ZNF839: variants seen among roughly 807,000 people sequenced by gnomAD.
ZNF839 encodes the protein zinc finger protein 839.
In ZNF839, 38 loss-of-function variants were observed where a neutral mutation model predicts 56.4. The ratio of observed to expected loss-of-function variants is 0.67; its 90% confidence interval spans 0.52 to 0.88. The LOEUF is 0.88. Ranked by LOEUF, ZNF839 falls within the 40% of genes least tolerant of loss-of-function variation. The pLI, the probability that ZNF839 is intolerant of heterozygous loss-of-function variation, is 0.00. For missense variants in ZNF839, 1,091 were observed against 1,177.6 expected (o/e 0.93, Z 1.08); for synonymous variants, 486 against 493.5 (o/e 0.98, Z 0.20).
chr14:102,335,921 G>T, intron 5 of ZNF839, 83 bp downstream of exon 5: 6 of 1,494,100 alleles, frequency 4.0e-6, no homozygotes, highest in South Asian at 1.2e-5. Flanking sequence ...GCTTATGCTT[G>T]TAGTCCCAGT....
chr14:102,328,369 AAAAAAAATATATATAT>A (rs1289768938), intron 2 of ZNF839, among the ~76,000 whole-genome samples: 5 of 35,120 alleles, frequency 1.4e-4, no homozygotes, highest in Non-Finnish European at 2.3e-4. Context: ...AAAAAAAAAA[AAAAAAAATATATATAT>A]ATATATATAT....
At position 102,326,860 on chromosome 14, in the gene ZNF839, GA is replaced by G. The variant is rs756070982; in HGVS notation, c.1165del (p.Thr389GlnfsTer14). 1.6e-5 allele frequency: 26 copies of G among 1,606,296 alleles called. No individual in the cohort carries two copies. In the South Asian group the frequency reaches 2.8e-4, roughly 17 times the overall value. The part of the protein sequence containing the change: ...CEGGARSCLV[T>X]ESARGGLQNG... ...AGGGAGGGGCCCGCTCCTGCTTGGT[GA>G]CAGAGTCAGCACGCGGTGGCCTGCA... On this transcript the variant is annotated frameshift_variant, in exon 2 of 8. Coordinates refer to ENST00000442396, the MANE Select transcript of ZNF839 (RefSeq NM_018335.6). LOFTEE classifies it high-confidence loss of function. This position sits in a 1 kb window ranked among gnomAD's most constrained non-coding sequence, Gnocchi z 4.3.
At position 102,341,597 on chromosome 14, in the gene ZNF839, C is replaced by G; in HGVS notation, c.2202C>G (p.Asp734Glu). 1 of 1,613,842 alleles carries G rather than the reference C, an allele frequency of 6.2e-7. No individual in the cohort carries two copies. The highest frequency in any genetic ancestry group is 1.1e-5 in the South Asian group (1 of 91,074). ...PGENALEHSS[D>E]QDTWDSLRSP... ...AGAATGCTTTGGAACACTCTTCAGA[C>G]CAGGACACCTGGGACAGCCTGAGGA... is the stretch of plus-strand genomic sequence containing the variant. Residue 734 changes from aspartate (D) to glutamate (E), a missense_variant, in exon 8 of 8, where the codon GAC becomes GAG. This residue lies in a region of ZNF839 where 431 missense variants were observed against 468.0 expected (regional missense o/e 0.92). Transcript: ENST00000442396.
chr14:102,323,053 CAGTG>C (rs2073216599), intron 1 of ZNF839, among the ~76,000 whole-genome samples: 1 of 152,218 alleles, frequency 6.6e-6, no homozygotes, highest in Admixed American at 6.5e-5. Flanking sequence ...AGCTTGATCT[CAGTG>C]AGGATCTTTA....
At position 102,326,770 on chromosome 14, in the gene ZNF839, G is replaced by A. The variant is rs762693692; in HGVS notation, c.1074G>A (p.Gly358=). 6.0e-5 allele frequency: 97 copies of A among 1,612,784 alleles called. No homozygotes were observed. The highest frequency in any genetic ancestry group is 8.1e-5 in the Non-Finnish European group (95 of 1,179,528). The part of the protein sequence containing the change: ...SEKASGSTLR[G]CTEERTLSLT... The stretch of plus-strand genomic sequence containing the variant: ...AAGCCAGTGGAAGCACCCTCCGGGG[G>A]TGCACGGAGGAAAGGACGCTCAGCC... The change falls in exon 2 of 8, where the codon GGG becomes GGA. Residue 358 remains glycine, a synonymous_variant. Coordinates refer to ENST00000442396, the MANE Select transcript of ZNF839 (RefSeq NM_018335.6). This position sits in a 1 kb window ranked among gnomAD's most constrained non-coding sequence, Gnocchi z 4.3.
At position 102,339,095 on chromosome 14, in the gene ZNF839, C is replaced by A; in HGVS notation, c.1799C>A (p.Ala600Asp). The change falls in exon 7 of 8, where the codon GCT (alanine) becomes GAT (aspartate). Residue 600 changes from alanine (A) to aspartate (D), a missense_variant and splice_region_variant. Ala to Asp is a moderately radical substitution (Grantham distance 126). Coordinates refer to ENST00000442396, the MANE Select transcript of ZNF839 (RefSeq NM_018335.6). Reference sequence around the variant, plus strand: ...GCTGATTGGGTCTTCTCTTCACAGGCTGCGGAGGAGGGACTGGCCTCAGTG... The same window carrying A: ...GCTGATTGGGTCTTCTCTTCACAGGATGCGGAGGAGGGACTGGCCTCAGTG... Reference protein sequence around the residue: ...GASSEKREREAAEEGLASVKR... With the variant: ...GASSEKREREDAEEGLASVKR... 6.2e-7 allele frequency: 1 copy of A among 1,613,824 alleles called. No individual in the cohort carries two copies. The highest frequency in any genetic ancestry group is 8.5e-7 in the Non-Finnish European group (1 of 1,179,792).
At chr14:102,340,519 G>A (rs913211089) in intron 7 of ZNF839, among the ~76,000 whole-genome samples, 13 of 151,922 alleles carry the variant, frequency 8.6e-5, no homozygotes, top group Admixed American at 3.3e-4. Flanking sequence ...TGATCTGCCC[G>A]CCTCAGCCTC....
intron 5 of ZNF839, 77 bp downstream of exon 5, chr14:102,335,915 A>T (rs560980933): frequency 3.3e-6 from 5 of 1,518,770 alleles, no homozygotes; most frequent in Non-Finnish European, 4.5e-6. Context: ...GCAGTGGCTT[A>T]TGCTTGTAGT....
chr14:102,330,320 C>T (rs1402258357), intron 2 of ZNF839, among the ~76,000 whole-genome samples: 1 of 151,264 alleles, frequency 6.6e-6, no homozygotes, highest in Non-Finnish European at 1.5e-5. Flanking sequence ...GCAACTTCTG[C>T]CTCCTGGGTT....
chr14:102,342,265 T>C lies in ZNF839; in HGVS notation c.*86T>C, dbSNP rs551047855. 1.3e-6 allele frequency: 2 copies of C among 1,496,146 alleles called. No individual in the cohort carries two copies. The highest frequency in any genetic ancestry group is 2.8e-5 in the African/African-American group (2 of 71,506). The allele number at this position is 1,496,146 out of a possible 1,614,324, so 92.7% of individuals were successfully genotyped here. A position where few individuals can be genotyped will look rare whatever the true frequency, so the allele number is the denominator to read the frequency against. ...GAAGTGGAGTCAGATCCTAGATTCG[T>C]CTGATTTTATCCAGAGAAGGTCTAT... On this transcript the variant is annotated 3_prime_UTR_variant, in exon 8 of 8. Coordinates refer to ENST00000442396, the MANE Select transcript of ZNF839 (RefSeq NM_018335.6).
rs2073847355 is a variant in ZNF839 at position 102,332,804 on chromosome 14, G to A, written c.1416+958G>A. The stretch of plus-strand genomic sequence containing the variant: ...AGGCGCCTGTAATCCCAGCCACTTG[G>A]GAGACTGAGGGAGGAGAATCGCTTG... On this transcript the variant is annotated intron_variant, in intron 3 of 7. Transcript: ENST00000442396. The surrounding 1 kb of genome is among the most constrained non-coding windows in gnomAD (Gnocchi z 4.9). 6.6e-6 allele frequency among the ~76,000 whole-genome samples: 1 copy of A among 152,158 alleles called. No individual in the cohort carries two copies. The highest frequency in any genetic ancestry group is 6.6e-5 in the Admixed American group (1 of 15,262).
chr14:102,322,320 T>C (rs2073171748), intron 1 of ZNF839, among the ~76,000 whole-genome samples: 1 of 152,326 alleles, frequency 6.6e-6, no homozygotes, highest in East Asian at 1.9e-4. Flanking sequence ...ATTCAGCAGG[T>C]CTGCGGGGAC....
chr14:102,337,758 T>C (rs1885972007), intron 5 of ZNF839: 1 of 152,264 alleles, frequency 6.6e-6, no homozygotes, highest in Non-Finnish European at 1.5e-5. Context: ...ATGGCCCGTT[T>C]TCTCCTTTAA....
intron 7 of ZNF839, among the ~76,000 whole-genome samples, chr14:102,340,426 C>T (rs1226409592): frequency 6.6e-6 from 1 of 152,020 alleles, no homozygotes; most frequent in Non-Finnish European, 1.5e-5. Context: ...CGCCCACCAC[C>T]ACATCTGGCT....
chr14:102,322,740 T>A (rs2073198540), intron 1 of ZNF839, among the ~76,000 whole-genome samples: 1 of 152,086 alleles, frequency 6.6e-6, no homozygotes, highest in Admixed American at 6.6e-5. Context: ...AATTTAAAAA[T>A]GTTTTGTAGA....
intron 5 of ZNF839, 96 bp downstream of exon 5, chr14:102,335,934 T>A: frequency 3.6e-6 from 5 of 1,377,090 alleles, no homozygotes; most frequent in Non-Finnish European, 4.9e-6. Context: ...GTCCCAGTGC[T>A]TTGGGAGACT....
At chr14:102,330,934 T>C (rs1386169049) in intron 2 of ZNF839, among the ~76,000 whole-genome samples, 2 of 152,198 alleles carry the variant, frequency 1.3e-5, no homozygotes, top group African/African-American at 2.4e-5. Context: ...TCAAAAGCCA[T>C]GCAGATGCAT....
Position 102,319,846 on chromosome 14 carries a change from C to T in ZNF839, c.81C>T (p.Ser27=). ...GGGGPAPPGQ[S]GSVARVAPLG... is the part of the protein sequence containing the mutation. ...GCGGCCCGGCTCCTCCGGGCCAGAG[C>T]GGCAGCGTCGCACGTGTGGCCCCGC... is the stretch of plus-strand genomic sequence containing the variant. Residue 27 remains serine (S), a synonymous_variant, in exon 1 of 8, where the codon AGC becomes AGT. Transcript: ENST00000442396. This position sits in a 1 kb window ranked among gnomAD's most constrained non-coding sequence, Gnocchi z 4.5. 1 of 1,242,358 alleles carries T rather than the reference C, an allele frequency of 8.0e-7. No homozygotes were observed. 77.0% of individuals were successfully genotyped at this position (1,242,358 alleles called of 1,614,324 possible).
chr14:102,319,933 G>C lies in ZNF839; in HGVS notation c.168G>C (p.Pro56=), dbSNP rs2139439210. The change falls in exon 1 of 8, where the codon CCG becomes CCC. Residue 56 remains proline, a synonymous_variant. Coordinates refer to ENST00000442396, the MANE Select transcript of ZNF839 (RefSeq NM_018335.6). This position sits in a 1 kb window ranked among gnomAD's most constrained non-coding sequence, Gnocchi z 4.5. The stretch of plus-strand genomic sequence containing the variant: ...TGACGAAGGCGCAGCCGCCGCCGCC[G>C]CCGCCCCCCTTCGTGCTGCGGGACG... The part of the protein sequence containing the change: ...EQVTKAQPPP[P]PPPFVLRDAA... 2 of 1,208,222 alleles carry C rather than the reference G, an allele frequency of 1.7e-6. No homozygotes were observed. Among genetic ancestry groups the C allele is most frequent in the Non-Finnish European group, 2.1e-6 (2 of 968,306 alleles). 74.8% of individuals were successfully genotyped at this position (1,208,222 alleles called of 1,614,324 possible).
Sources: allele counts gnomAD v4.1 joint callset (sites outside exome capture counted in the v4.1 genomes callset), GRCh38; gene constraint gnomAD v4.1.1; regional missense constraint gnomAD v4.1.1; non-coding constraint Gnocchi (gnomAD v3.1); transcripts MANE v1.5; gene names NCBI Gene and HGNC (gene_info 2026-07-23, HGNC 2026-07-21).